MARCHF1: variants seen among roughly 807,000 people sequenced by gnomAD.
MARCHF1 encodes membrane associated ring-CH-type finger 1, also known as E3 ubiquitin-protein ligase MARCHF1.
Under a neutral mutation model 54.2 loss-of-function variants are expected in MARCHF1, and 40 were observed. That is an observed-to-expected ratio of 0.74 (90% CI 0.57 to 0.96). The LOEUF (loss-of-function observed/expected upper bound fraction) is 0.96. MARCHF1 is among the 40% of genes least tolerant of loss of function. MARCHF1 has a pLI of 0.00. For synonymous variants in MARCHF1, 236 were observed against 236.3 expected (o/e 1.00, Z 0.01); for missense variants, 586 against 656.5 (o/e 0.89, Z 1.17).
chr4:164,147,016 C>T (rs1729767474), intron 1 of MARCHF1, among the ~76,000 whole-genome samples: 1 of 151,618 alleles, frequency 6.6e-6, no homozygotes, highest in Non-Finnish European at 1.5e-5. Flanking sequence ...GGGCAAAGGA[C>T]ATGAACAGAC....
At chr4:164,291,518 G>T (rs1282681499) in intron 1 of MARCHF1, among the ~76,000 whole-genome samples, 1 of 151,932 alleles carries the variant, frequency 6.6e-6, no homozygotes, top group Non-Finnish European at 1.5e-5. Context: ...TAATGATGAG[G>T]ATATGTTCTG....
chr4:164,067,706 C>CA (rs1187118875), intron 2 of MARCHF1, among the ~76,000 whole-genome samples: 1 of 151,098 alleles, frequency 6.6e-6, no homozygotes, highest in South Asian at 2.1e-4. Context: ...AAAACAAATG[C>CA]AAAAAAAACC....
At chr4:164,218,038 TA>T (rs1731982226) in intron 1 of MARCHF1, among the ~76,000 whole-genome samples, 2 of 152,100 alleles carry the variant, frequency 1.3e-5, no homozygotes, top group Non-Finnish European at 2.9e-5. Context: ...GTTTTTCATT[TA>T]AACAGGCAAG....
At chr4:163,908,174 A>ATT (rs1751112101) in intron 3 of MARCHF1, among the ~76,000 whole-genome samples, 1 of 152,180 alleles carries the variant, frequency 6.6e-6, no homozygotes, top group Non-Finnish European at 1.5e-5. Context: ...CTATCCACAC[A>ATT]AAAGATTTTA....
intron 1 of MARCHF1, among the ~76,000 whole-genome samples, chr4:164,370,679 C>T (rs1312724007): frequency 2.6e-5 from 4 of 152,130 alleles, no homozygotes; most frequent in African/African-American, 4.8e-5. Context: ...GAAGCCCAGG[C>T]GGGCAGATCA....
chr4:163,703,010 G>A (rs1744851791), intron 4 of MARCHF1, among the ~76,000 whole-genome samples: 1 of 152,126 alleles, frequency 6.6e-6, no homozygotes, highest in South Asian at 2.1e-4. Context: ...TGCTAATTCT[G>A]GCAGGAGTAC....
At chr4:164,178,043 T>G (rs1004991171) in intron 1 of MARCHF1, among the ~76,000 whole-genome samples, 2 of 152,172 alleles carry the variant, frequency 1.3e-5, no homozygotes, top group African/African-American at 4.8e-5. Flanking sequence ...AGAGTACTGA[T>G]GTGCAGCAAT....
intron 2 of MARCHF1, among the ~76,000 whole-genome samples, chr4:164,027,886 A>G (rs539792071): frequency 2.0e-5 from 3 of 152,198 alleles, no homozygotes; most frequent in South Asian, 4.1e-4. Context: ...CTTATCAACA[A>G]GCAAAAAATA....
rs114714614 is a variant in MARCHF1, at chr4:164,307,863, T to C, written c.-323+76007A>G. Among the ~76,000 whole-genome samples, 732 of 152,328 alleles carry C rather than the reference T, an allele frequency of 4.8e-3. 5 individuals are homozygous for C. The highest frequency in any genetic ancestry group is 0.017 in the African/African-American group (694 of 41,572). ...CATAAGATGGCTGTAGTCCCCTATTTTGCCTCCTTTCCAGAAGAATAATGA... is the reference window on the plus strand; with the variant it reads ...CATAAGATGGCTGTAGTCCCCTATTCTGCCTCCTTTCCAGAAGAATAATGA... On this transcript the variant is annotated intron_variant, in intron 1 of 9. Coordinates refer to ENST00000514618, the MANE Select transcript of MARCHF1 (RefSeq NM_001394959.1).
At chr4:164,035,173 A>C (rs1753966037) in intron 2 of MARCHF1, among the ~76,000 whole-genome samples, 1 of 152,106 alleles carries the variant, frequency 6.6e-6, no homozygotes, top group Non-Finnish European at 1.5e-5. Context: ...TAACATTTTT[A>C]AGTCTAATCA....
intron 3 of MARCHF1, among the ~76,000 whole-genome samples, chr4:163,976,385 T>A (rs993650023): frequency 9.9e-5 from 15 of 152,076 alleles, no homozygotes; most frequent in African/African-American, 3.6e-4. Flanking sequence ...ACTTTAGAGG[T>A]CTTGGCGAAG....
At chr4:164,071,397 A>C (rs1353437607) in intron 2 of MARCHF1, among the ~76,000 whole-genome samples, 1 of 152,034 alleles carries the variant, frequency 6.6e-6, no homozygotes, top group East Asian at 1.9e-4. Context: ...ATTAAGTGGA[A>C]ATTTATATTT....
In MARCHF1 at chr4:164,306,786, T is replaced by C. The variant is rs76736278; in HGVS notation, c.-323+77084A>G. 7.3e-3 allele frequency among the ~76,000 whole-genome samples: 1,113 copies of C among 152,190 alleles called. 12 individuals are homozygous for C. The highest frequency in any genetic ancestry group is 0.025 in the African/African-American group (1,042 of 41,530). On this transcript the variant is annotated intron_variant, in intron 1 of 9. Coordinates refer to ENST00000514618, the MANE Select transcript of MARCHF1 (RefSeq NM_001394959.1). ...CTGATCTGGAAAAGAGAGCCCATAA[T>C]TAATAAATCAAAAAGACGATATAAA...
intron 1 of MARCHF1, among the ~76,000 whole-genome samples, chr4:164,241,926 A>C (rs978560342): frequency 4.6e-5 from 7 of 152,224 alleles, no homozygotes; most frequent in African/African-American, 1.4e-4. Flanking sequence ...CAACGGGCTT[A>C]AAAAACGGTG....
intron 3 of MARCHF1, among the ~76,000 whole-genome samples, chr4:163,953,716 G>A (rs1034863785): frequency 6.6e-6 from 1 of 152,110 alleles, no homozygotes; most frequent in South Asian, 2.1e-4. Context: ...TATGAGTTAA[G>A]AATGGTTTTT....
chr4:163,536,763 GA>G (rs1738551354), intron 9 of MARCHF1, among the ~76,000 whole-genome samples: 1 of 152,068 alleles, frequency 6.6e-6, no homozygotes, highest in Non-Finnish European at 1.5e-5. Context: ...GAGCCAGGGG[GA>G]AACAGTTGCC....
At chr4:164,131,891 G>A (rs1756308188) in intron 1 of MARCHF1, among the ~76,000 whole-genome samples, 1 of 152,062 alleles carries the variant, frequency 6.6e-6, no homozygotes, top group South Asian at 2.1e-4. Context: ...TATTAAAAAG[G>A]CAAATGTATT....
At chr4:163,915,304 T>G (rs902264884) in intron 3 of MARCHF1, among the ~76,000 whole-genome samples, 4 of 152,034 alleles carry the variant, frequency 2.6e-5, no homozygotes, top group African/African-American at 9.7e-5. Context: ...CTCTGTGATA[T>G]CCCCACCCCA....
intron 5 of MARCHF1, among the ~76,000 whole-genome samples, chr4:163,637,217 A>C (rs971692180): frequency 6.6e-6 from 1 of 152,170 alleles, no homozygotes; most frequent in Non-Finnish European, 1.5e-5. Context: ...CACCAAAAGC[A>C]ATGGCAACAA....
Sources: allele counts gnomAD v4.1 joint callset (sites outside exome capture counted in the v4.1 genomes callset), GRCh38; gene constraint gnomAD v4.1.1; transcripts MANE v1.5; gene names NCBI Gene and HGNC (gene_info 2026-07-23, HGNC 2026-07-21).